Variants in ALCAM observed in about 807,000 individuals in gnomAD.
ALCAM encodes CD166 antigen.
Under a neutral mutation model 70.9 loss-of-function variants are expected in ALCAM, and 30 were observed. That is an observed-to-expected ratio of 0.42 (90% CI 0.32 to 0.57). The LOEUF is 0.57. Ranked by LOEUF, ALCAM falls within the 20% of genes least tolerant of loss-of-function variation. The pLI, the probability that ALCAM is intolerant of heterozygous loss-of-function variation, is 0.11. For synonymous variants in ALCAM, 249 were observed against 242.5 expected, an observed-to-expected ratio of 1.03 and a Z score of -0.25; for missense variants, 591 against 695.1, an observed-to-expected ratio of 0.85 and a Z score of 1.68.
At chr3:105,376,739 C>T (rs1437641400) in intron 1 of ALCAM, among the ~76,000 whole-genome samples, 2 of 152,118 alleles carry the variant, frequency 1.3e-5, no homozygotes, top group Admixed American at 6.5e-5. Context: ...ACTCAGAAAA[C>T]GTCTAGCAGG....
intron 1 of ALCAM, among the ~76,000 whole-genome samples, chr3:105,519,544 T>C (rs1303657276): frequency 1.3e-5 from 2 of 152,094 alleles, no homozygotes; most frequent in African/African-American, 4.8e-5. Flanking sequence ...ATAAATAAAA[T>C]TCAGTTGTGG....
chr3:105,552,626 C>G (rs1351440471), intron 14 of ALCAM, 41 bp downstream of exon 14: 2 of 1,609,798 alleles, frequency 1.2e-6, no homozygotes, highest in Admixed American at 3.3e-5. Flanking sequence ...CATTGACTTT[C>G]ACTGGGAGAA....
chr3:105,536,703 A>AT (rs1939978883), intron 6 of ALCAM, among the ~76,000 whole-genome samples: 1 of 152,142 alleles, frequency 6.6e-6, no homozygotes, highest in African/African-American at 2.4e-5. Context: ...CAGTCCTCAC[A>AT]TTCAAGGAGT....
At chr3:105,461,548 A>G (rs1435351662) in intron 1 of ALCAM, among the ~76,000 whole-genome samples, 2 of 151,854 alleles carry the variant, frequency 1.3e-5, no homozygotes, top group Admixed American at 6.6e-5. Context: ...GGAGAGATCA[A>G]TGTTGGTTGA....
At chr3:105,461,001 T>C (rs998153256) in intron 1 of ALCAM, among the ~76,000 whole-genome samples, 3 of 151,824 alleles carry the variant, frequency 2.0e-5, no homozygotes, top group African/African-American at 7.3e-5. Context: ...AAATATGGTG[T>C]GTGTGTGTGT....
chr3:105,522,674 T>C (rs1939574794), intron 2 of ALCAM, among the ~76,000 whole-genome samples: 1 of 152,134 alleles, frequency 6.6e-6, no homozygotes, highest in Non-Finnish European at 1.5e-5. Flanking sequence ...AGTGTAACCA[T>C]AATGAGGCCA....
At position 105,508,407 on chromosome 3, in the gene ALCAM, C is replaced by G. The variant is rs1286785684; in HGVS notation, c.74-11660C>G. Among the ~76,000 whole-genome samples, 5 of 152,098 alleles carry G rather than the reference C, an allele frequency of 3.3e-5. No individual in the cohort carries two copies. In the East Asian group the frequency reaches 9.7e-4, roughly 29 times the overall value. ...TATTCTCTTGACTTTGCAGGGAGAA[C>G]AGTTTCCTATTGGTAAAATGAAGGA... On this transcript the variant is annotated intron_variant, in intron 1 of 15. Transcript: ENST00000306107.
At chr3:105,554,435 G>A (rs1036520150) in intron 14 of ALCAM, among the ~76,000 whole-genome samples, 6 of 151,890 alleles carry the variant, frequency 4.0e-5, no homozygotes, top group Non-Finnish European at 8.8e-5. Context: ...ACATAGAGGA[G>A]GGCAATCTGC....
intron 4 of ALCAM, 23 bp downstream of exon 4, chr3:105,532,089 A>G: frequency 2.5e-6 from 4 of 1,597,502 alleles, no homozygotes; most frequent in South Asian, 1.1e-5. Context: ...TTTGATTAAT[A>G]CCTTTATTTA....
chr3:105,524,982 A>C (rs1939659011), intron 3 of ALCAM: 1 of 978,394 alleles, frequency 1.0e-6, no homozygotes, highest in Non-Finnish European at 1.2e-6. Flanking sequence ...CAGAGGTATA[A>C]ATTTTCCATT....
intron 14 of ALCAM, chr3:105,552,838 A>AT (rs1940442621): frequency 2.1e-5 from 26 of 1,252,648 alleles, no homozygotes; most frequent in Middle Eastern, 6.5e-4. Context: ...CAATTATTTG[A>AT]TTTTTTCAGT....
chr3:105,367,323 C>T lies in ALCAM; in HGVS notation c.-86C>T, dbSNP rs1576112149. 3.5e-6 allele frequency: 5 copies of T among 1,429,152 alleles called. No homozygotes were observed. The East Asian group carries it at 6.9e-5, about 20-fold the overall frequency. The allele number at this position is 1,429,152 out of a possible 1,614,324, so 88.5% of individuals were successfully genotyped here. A position where few individuals can be genotyped will look rare whatever the true frequency, so the allele number is the denominator to read the frequency against. ...ACGCTGCCCCTGCGTCGGGACCCGCCAGCGCGCGGGCACCGCGGGGCCCGG... is the reference window on the plus strand; with the variant it reads ...ACGCTGCCCCTGCGTCGGGACCCGCTAGCGCGCGGGCACCGCGGGGCCCGG... On this transcript the variant is annotated 5_prime_UTR_variant, in exon 1 of 16. Coordinates refer to ENST00000306107, the MANE Select transcript of ALCAM (RefSeq NM_001627.4).
chr3:105,536,131 T>C (rs1220412752), intron 6 of ALCAM, among the ~76,000 whole-genome samples: 1 of 151,686 alleles, frequency 6.6e-6, no homozygotes, highest in African/African-American at 2.4e-5. Context: ...TCTCACTCTG[T>C]TGCCCAGGCC....
chr3:105,525,964 C>A (rs1356399131), intron 3 of ALCAM, among the ~76,000 whole-genome samples: 1 of 152,044 alleles, frequency 6.6e-6, no homozygotes, highest in East Asian at 1.9e-4. Context: ...GTATTTTTTT[C>A]TTTTCTTCTA....
At chr3:105,479,413 T>C (rs1938210214) in intron 1 of ALCAM, among the ~76,000 whole-genome samples, 1 of 152,112 alleles carries the variant, frequency 6.6e-6, no homozygotes, top group African/African-American at 2.4e-5. Context: ...TAAGAAACCT[T>C]CCTAAATATC....
chr3:105,376,384 C>G (rs1671753694), intron 1 of ALCAM, among the ~76,000 whole-genome samples: 1 of 152,130 alleles, frequency 6.6e-6, no homozygotes, highest in Non-Finnish European at 1.5e-5. Context: ...AAGGTTTTGA[C>G]CTGTAAAGAA....
intron 1 of ALCAM, among the ~76,000 whole-genome samples, chr3:105,448,562 G>C (rs1344610524): frequency 6.6e-6 from 1 of 152,152 alleles, no homozygotes; most frequent in Non-Finnish European, 1.5e-5. Flanking sequence ...ATCTGTGGCA[G>C]TAGAAGTATT....
At chr3:105,527,194 T>C (rs1310194736) in intron 3 of ALCAM, among the ~76,000 whole-genome samples, 1 of 152,148 alleles carries the variant, frequency 6.6e-6, no homozygotes. Flanking sequence ...CATTTGAGGT[T>C]AATAAAACCA....
At chr3:105,382,081 C>A in intron 1 of ALCAM, among the ~76,000 whole-genome samples, 2 of 118,398 alleles carry the variant, frequency 1.7e-5, no homozygotes, top group African/African-American at 3.1e-5. Context: ...TAATGCTATC[C>A]CTCCCCCCTC....
Sources: allele counts gnomAD v4.1 joint callset (sites outside exome capture counted in the v4.1 genomes callset), GRCh38; gene constraint gnomAD v4.1.1; transcripts MANE v1.5; gene names NCBI Gene and HGNC (gene_info 2026-07-23, HGNC 2026-07-21).